VTI1B: variants seen among roughly 807,000 people sequenced by gnomAD.
VTI1B encodes the protein vesicle transport through interaction with t-SNAREs homolog 1B.
VTI1B carries 18 observed loss-of-function variants against 28.6 expected under a neutral mutation model. The observed-to-expected ratio is 0.63, with a 90% CI of 0.43 to 0.93. The LOEUF (loss-of-function observed/expected upper bound fraction) is 0.93. Ranked by LOEUF, VTI1B falls within the 40% of genes least tolerant of loss-of-function variation. VTI1B has a pLI of 0.00. For synonymous variants in VTI1B, 100 were observed against 107.9 expected, an observed-to-expected ratio of 0.93 and a Z score of 0.46; for missense variants, 283 against 297.0, an observed-to-expected ratio of 0.95 and a Z score of 0.35.
At position 67,651,297 on chromosome 14, in the gene VTI1B, G is replaced by A; in HGVS notation, c.*88C>T. 1.9e-6 allele frequency: 3 copies of A among 1,604,174 alleles called. No individual in the cohort carries two copies. The highest frequency in any genetic ancestry group is 1.7e-6 in the Non-Finnish European group (2 of 1,175,034). On this transcript the variant is annotated 3_prime_UTR_variant, in exon 6 of 6. Coordinates refer to ENST00000554659, the MANE Select transcript of VTI1B (RefSeq NM_006370.3). ...TGCATCCTTGAACTGTCAGCCCACA[G>A]CAGCAATATGCTTATTCTATCCACA... is the stretch of plus-strand genomic sequence containing the variant.
intron 4 of VTI1B, among the ~76,000 whole-genome samples, chr14:67,654,941 A>C (rs1253396561): frequency 6.9e-6 from 1 of 145,232 alleles, no homozygotes; most frequent in Non-Finnish European, 1.5e-5. Flanking sequence ...AGGCAGGAGA[A>C]TGGCATGAAC....
rs541212482 is a variant in VTI1B, at chr14:67,673,846, T to C, written c.115+529A>G. Reference sequence around the variant, plus strand: ...TTAAGGGGTAGTAAACAGTCTCAGCTGTAAAAACGTTCAAAACAAGACCAC... The same window carrying C: ...TTAAGGGGTAGTAAACAGTCTCAGCCGTAAAAACGTTCAAAACAAGACCAC... On this transcript the variant is annotated intron_variant, in intron 1 of 5. Transcript: ENST00000554659. Among the ~76,000 whole-genome samples, 35 of 152,314 alleles carry C rather than the reference T, an allele frequency of 2.3e-4. No individual in the cohort carries two copies. In the South Asian group the frequency reaches 6.6e-3, roughly 29 times the overall value.
At position 67,648,128 on chromosome 14, in the gene VTI1B, C is replaced by T. The variant is rs146923741; in HGVS notation, c.*3257G>A. 19 of 1,613,992 alleles carry T rather than the reference C, an allele frequency of 1.2e-5. No homozygotes were observed. Among genetic ancestry groups the T allele is most frequent in the Admixed American group, 6.7e-5 (4 of 60,008 alleles). On this transcript the variant is annotated 3_prime_UTR_variant, in exon 6 of 6. Coordinates refer to ENST00000554659, the MANE Select transcript of VTI1B (RefSeq NM_006370.3). Reference sequence around the variant, plus strand: ...CTCCAGCCACAGGAACTCCTGTTGTCGGGGGACTAACCTATCGAGAAGGCA... The same window carrying T: ...CTCCAGCCACAGGAACTCCTGTTGTTGGGGGACTAACCTATCGAGAAGGCA...
chr14:67,653,437 T>C lies in VTI1B; in HGVS notation c.602A>G (p.Lys201Arg). ...ATTTCATGACTTTAATAAAACTTAC[T>C]TTCTGGACATTGAACGGAGAATCTT... ...SRKILRSMSR[K>R]VTTNKLLLSI... Residue 201 changes from lysine (K) to arginine (R), a missense_variant and splice_region_variant, in exon 5 of 6, where the codon AAA (lysine) becomes AGA (arginine). Coordinates refer to ENST00000554659, the MANE Select transcript of VTI1B (RefSeq NM_006370.3). 7 of 1,613,774 alleles carry C rather than the reference T, an allele frequency of 4.3e-6. No homozygotes were observed. Among genetic ancestry groups the C allele is most frequent in the Non-Finnish European group, 5.9e-6 (7 of 1,179,772 alleles).
chr14:67,674,259 G>A, intron 1 of VTI1B, 116 bp downstream of exon 1: 1 of 971,984 alleles, frequency 1.0e-6, no homozygotes, highest in South Asian at 1.8e-5. Context: ...TAGGGGGCGT[G>A]TCTGAGGACG....
chr14:67,658,650 G>C (rs985987405), intron 3 of VTI1B, among the ~76,000 whole-genome samples: 1 of 152,128 alleles, frequency 6.6e-6, no homozygotes, highest in Non-Finnish European at 1.5e-5. Context: ...AAATTGTTTG[G>C]ACTTCCTCCC....
At position 67,649,506 on chromosome 14, in the gene VTI1B, A is replaced by T. The variant is rs1479741477; in HGVS notation, c.*1879T>A. On this transcript the variant is annotated 3_prime_UTR_variant, in exon 6 of 6. Coordinates refer to ENST00000554659, the MANE Select transcript of VTI1B (RefSeq NM_006370.3). Reference sequence around the variant, plus strand: ...AGGGTGGCAATAGTCTGGAAACATAAGTCATGTATATATTTCTAATAGTGC... The same window carrying T: ...AGGGTGGCAATAGTCTGGAAACATATGTCATGTATATATTTCTAATAGTGC... 1 of 152,178 alleles carries T rather than the reference A, an allele frequency of 6.6e-6. No individual in the cohort carries two copies. Among genetic ancestry groups the T allele is most frequent in the Non-Finnish European group, 1.5e-5 (1 of 68,040 alleles). 9.4% of individuals were successfully genotyped at this position (152,178 alleles called of 1,614,324 possible). A position where few individuals can be genotyped will look rare whatever the true frequency, so the allele number is the denominator to read the frequency against.
chr14:67,655,527 CT>C (rs879840327), intron 4 of VTI1B, among the ~76,000 whole-genome samples: 275 of 145,536 alleles, frequency 1.9e-3, no homozygotes, highest in Middle Eastern at 3.6e-3. Context: ...TTCCCTATTA[CT>C]TTTTTTTTTT....
chr14:67,672,493 T>C (rs1368920270), intron 1 of VTI1B, among the ~76,000 whole-genome samples: 1 of 144,276 alleles, frequency 6.9e-6, no homozygotes, highest in African/African-American at 2.6e-5. Context: ...TTGCCCAGGC[T>C]GGAGTTCAGT....
Position 67,649,019 on chromosome 14 carries a change from C to A in VTI1B, c.*2366G>T, listed in dbSNP as rs1183693350. The A allele has an allele frequency of 6.6e-6, 1 of 152,128 alleles. No individual in the cohort carries two copies. The highest frequency in any genetic ancestry group is 1.5e-5 in the Non-Finnish European group (1 of 68,044). 9.4% of individuals were successfully genotyped at this position (152,128 alleles called of 1,614,324 possible). On this transcript the variant is annotated 3_prime_UTR_variant, in exon 6 of 6. Transcript: ENST00000554659. The stretch of plus-strand genomic sequence containing the variant: ...CAGCCTGCCAGAACCTTAGGCAGTA[C>A]AAAAAGGCAGGCAGTACTGGTCTAA...
chr14:67,663,546 C>T (rs533166928), intron 1 of VTI1B, among the ~76,000 whole-genome samples: 8 of 151,512 alleles, frequency 5.3e-5, no homozygotes, highest in South Asian at 4.2e-4. Flanking sequence ...TGGTGGTGGG[C>T]GCCTGTATTC....
chr14:67,670,161 C>G (rs1215704600), intron 1 of VTI1B, among the ~76,000 whole-genome samples: 3 of 152,202 alleles, frequency 2.0e-5, no homozygotes, highest in African/African-American at 7.2e-5. Context: ...GTCCCCTGTA[C>G]CCAGATTCTT....
At chr14:67,656,625 T>C (rs781008336) in intron 3 of VTI1B, 36 bp from the exon 4 acceptor site, 4 of 1,570,846 alleles carry the variant, frequency 2.5e-6, no homozygotes, top group Non-Finnish European at 3.5e-6. Flanking sequence ...TTAGACTTTT[T>C]CCATTATAAA....
rs780779961 is a variant in VTI1B, at chr14:67,650,828, C to A, written c.*557G>T. 6.2e-7 allele frequency: 1 copy of A among 1,614,200 alleles called. No homozygotes were observed. Among genetic ancestry groups the A allele is most frequent in the South Asian group, 1.1e-5 (1 of 91,078 alleles). On this transcript the variant is annotated 3_prime_UTR_variant, in exon 6 of 6. Coordinates refer to ENST00000554659, the MANE Select transcript of VTI1B (RefSeq NM_006370.3). ...AGATGTGATTGCTTCAAGCTTTGGT[C>A]AGACAAGAGAAGGAGGGCATATTGT...
In VTI1B at chr14:67,659,727, T is replaced by C. The variant is rs1284133284; in HGVS notation, c.366+4A>G. On this transcript the variant is annotated splice_donor_region_variant and intron_variant, in intron 3 of 5. Coordinates refer to ENST00000554659, the MANE Select transcript of VTI1B (RefSeq NM_006370.3). ...AAAAAACAAACAAAACAGCTAAAAC[T>C]TACCATATGCTCATTCTCTACAGCA... 1 of 1,586,632 alleles carries C rather than the reference T, an allele frequency of 6.3e-7. No homozygotes were observed. The highest frequency in any genetic ancestry group is 8.6e-7 in the Non-Finnish European group (1 of 1,168,994).
chr14:67,650,871 C>A lies in VTI1B; in HGVS notation c.*514G>T. On this transcript the variant is annotated 3_prime_UTR_variant, in exon 6 of 6. Transcript: ENST00000554659. ...CATATTGTCTATGACCAACTTCCTA[C>A]TCCCAGTTCACCAGATGAATCAGAA... is the stretch of plus-strand genomic sequence containing the variant. The A allele has an allele frequency of 6.2e-7, 1 of 1,614,198 alleles. No homozygotes were observed.
intron 1 of VTI1B, among the ~76,000 whole-genome samples, chr14:67,666,215 T>C (rs1271058037): frequency 1.3e-5 from 2 of 152,222 alleles, no homozygotes; most frequent in African/African-American, 4.8e-5. Flanking sequence ...CAACTGTGTT[T>C]AGTCATAAAT....
chr14:67,648,140 C>G lies in VTI1B; in HGVS notation c.*3245G>C. The G allele has an allele frequency of 6.2e-7, 1 of 1,614,042 alleles. No individual in the cohort carries two copies. The highest frequency in any genetic ancestry group is 8.5e-7 in the Non-Finnish European group (1 of 1,179,920). On this transcript the variant is annotated 3_prime_UTR_variant, in exon 6 of 6. Transcript: ENST00000554659. ...GAACTCCTGTTGTCGGGGGACTAAC[C>G]TATCGAGAAGGCATGTATATTGCTG...
intron 2 of VTI1B, 134 bp downstream of exon 2, chr14:67,662,343 G>T: frequency 2.5e-6 from 2 of 786,698 alleles, no homozygotes; most frequent in Non-Finnish European, 4.1e-6. Flanking sequence ...CCCATCAACT[G>T]GCTTCATTTA....
Sources: gnomAD v4.1 joint callset for allele counts (sites outside exome capture counted in the v4.1 genomes callset) on GRCh38, gnomAD v4.1.1 for gene constraint, MANE v1.5 for transcripts, NCBI Gene and HGNC (gene_info 2026-07-23, HGNC 2026-07-21) for gene names.